CALN1: variants seen among roughly 807,000 people sequenced by gnomAD.
The protein encoded by CALN1 is calcium-binding protein 8.
In CALN1, 17 loss-of-function variants were observed where a neutral mutation model predicts 30.6. The ratio of observed to expected loss-of-function variants is 0.56; its 90% CI spans 0.38 to 0.83. The LOEUF (loss-of-function observed/expected upper bound fraction) is 0.83. Ranked by LOEUF, CALN1 falls within the 40% of genes least tolerant of loss-of-function variation. The pLI is 0.00. For missense variants in CALN1, 291 were observed against 354.9 expected (o/e 0.82, Z 1.45); for synonymous variants, 156 against 131.4 (o/e 1.19, Z -1.28).
intron 4 of CALN1, among the ~76,000 whole-genome samples, chr7:72,080,082 C>T (rs993673067): frequency 1.3e-5 from 2 of 152,080 alleles, no homozygotes; most frequent in African/African-American, 4.8e-5. Context: ...AAGAGGTTGC[C>T]TTTTGACATC....
At chr7:72,022,254 T>C (rs1043177203) in intron 5 of CALN1, among the ~76,000 whole-genome samples, 3 of 152,380 alleles carry the variant, frequency 2.0e-5, no homozygotes, top group Admixed American at 6.5e-5. Flanking sequence ...TATTGAGGGC[T>C]TGCTGTGTAC....
At chr7:71,960,069 G>T (rs968787927) in intron 5 of CALN1, among the ~76,000 whole-genome samples, 1 of 151,132 alleles carries the variant, frequency 6.6e-6, no homozygotes, top group Non-Finnish European at 1.5e-5. Flanking sequence ...GGAGGTGGTG[G>T]TTGCAGTGAG....
chr7:72,300,429 A>G (rs1351958456), intron 2 of CALN1, among the ~76,000 whole-genome samples: 1 of 151,160 alleles, frequency 6.6e-6, no homozygotes, highest in African/African-American at 2.5e-5. Flanking sequence ...AAAAAAGATA[A>G]AAACAAGAAA....
intron 3 of CALN1, among the ~76,000 whole-genome samples, chr7:72,149,734 T>C (rs1396408880): frequency 6.6e-6 from 1 of 152,088 alleles, no homozygotes; most frequent in African/African-American, 2.4e-5. Context: ...AAATCTTTTC[T>C]CTTTTGCAAA....
intron 5 of CALN1, among the ~76,000 whole-genome samples, chr7:72,009,018 G>A (rs2129529069): frequency 6.6e-6 from 1 of 152,246 alleles, no homozygotes; most frequent in South Asian, 2.1e-4. Context: ...TAATTTTGAG[G>A]AATTGGTAAC....
At chr7:71,880,563 T>C (rs1792504091) in intron 5 of CALN1, among the ~76,000 whole-genome samples, 1 of 152,200 alleles carries the variant, frequency 6.6e-6, no homozygotes, top group Admixed American at 6.5e-5. Context: ...TTTGCATTTA[T>C]TTCTTTAATC....
the CALN1 span, among the ~76,000 whole-genome samples, chr7:72,461,844 C>A: frequency 6.6e-6 from 1 of 152,078 alleles, no homozygotes; most frequent in East Asian, 1.9e-4. Flanking sequence ...CCCGTTTCTA[C>A]TAAAAATACA....
At chr7:72,010,828 G>GA (rs946492202) in intron 5 of CALN1, among the ~76,000 whole-genome samples, 1 of 148,072 alleles carries the variant, frequency 6.8e-6, no homozygotes, top group East Asian at 2.0e-4. Context: ...GAAAAGAAAA[G>GA]AAAAGAAAAA....
intron 1 of CALN1, among the ~76,000 whole-genome samples, chr7:72,404,192 C>T (rs1227480293): frequency 6.6e-6 from 1 of 152,170 alleles, no homozygotes; most frequent in African/African-American, 2.4e-5. Context: ...TTAAGGCACC[C>T]CTCGTCTCTG....
chr7:72,375,838 C>T (rs565094537), intron 2 of CALN1, among the ~76,000 whole-genome samples: 7 of 152,168 alleles, frequency 4.6e-5, no homozygotes, highest in African/African-American at 1.4e-4. Context: ...GTATATTTAC[C>T]ATGTTGTATA....
intron 5 of CALN1, among the ~76,000 whole-genome samples, chr7:71,885,815 T>C (rs1259334729): frequency 6.6e-6 from 1 of 152,220 alleles, no homozygotes; most frequent in Non-Finnish European, 1.5e-5. Flanking sequence ...TCTCTTCCTG[T>C]GGTTCTATTT....
At chr7:72,222,671 C>T (rs1454349660) in intron 3 of CALN1, among the ~76,000 whole-genome samples, 4 of 152,216 alleles carry the variant, frequency 2.6e-5, no homozygotes, top group African/African-American at 9.6e-5. Flanking sequence ...ACCCACCTCT[C>T]AGGATCTTGC....
intron 5 of CALN1, among the ~76,000 whole-genome samples, chr7:71,875,160 CAAAAAAAAAAAAAAAA>C (rs3063970): frequency 2.2e-4 from 15 of 68,728 alleles, no homozygotes; most frequent in Non-Finnish European, 4.0e-4. Flanking sequence ...GACTCTGTCT[CAAAAAAAAAAAAAAAA>C]AAAAAAAAAA....
chr7:72,421,328 A>G (rs1379552629), intron 1 of CALN1, among the ~76,000 whole-genome samples: 2 of 152,012 alleles, frequency 1.3e-5, no homozygotes, highest in Non-Finnish European at 1.5e-5. Context: ...TTCTATCCTC[A>G]CAGCTTAGCT....
At chr7:72,017,160 T>C (rs1800439384) in intron 5 of CALN1, among the ~76,000 whole-genome samples, 1 of 119,572 alleles carries the variant, frequency 8.4e-6, no homozygotes, top group Non-Finnish European at 1.6e-5. Flanking sequence ...AGAGACTCTG[T>C]CTCAAAAATT....
intron 2 of CALN1, among the ~76,000 whole-genome samples, chr7:72,385,234 T>C (rs984874760): frequency 6.6e-6 from 1 of 152,208 alleles, no homozygotes. Context: ...GGAGACAATT[T>C]AGAAGTTTCT....
intron 5 of CALN1, among the ~76,000 whole-genome samples, chr7:71,847,805 A>AAGAAGGAGAAGGAGAAGG (rs759149826): frequency 8.0e-6 from 1 of 124,424 alleles, no homozygotes; most frequent in Non-Finnish European, 1.6e-5. Context: ...AAAAGAAGAA[A>AAGAAGGAGAAGGAGAAGG]AGAAGGAGAA....
chr7:72,474,378 G>T, the CALN1 span, among the ~76,000 whole-genome samples: 1 of 152,148 alleles, frequency 6.6e-6, no homozygotes, highest in African/African-American at 2.4e-5. Context: ...AGATGGACCT[G>T]CATGCAGTGT....
chr7:72,433,953 C>G (rs191686913), intron 1 of CALN1, among the ~76,000 whole-genome samples: 1 of 151,720 alleles, frequency 6.6e-6, no homozygotes, highest in African/African-American at 2.4e-5. Context: ...CTCAGCTACT[C>G]GGGAAGCTGA....
Sources: allele counts gnomAD v4.1 joint callset (sites outside exome capture counted in the v4.1 genomes callset), GRCh38; gene constraint gnomAD v4.1.1; transcripts MANE v1.5; gene names NCBI Gene and HGNC (gene_info 2026-07-23, HGNC 2026-07-21).